The following WDR33 variants were observed in gnomAD, a reference collection of about 807,000 sequenced individuals.
WDR33 encodes the protein pre-mRNA 3' end processing protein WDR33.
In WDR33, 47 loss-of-function variants were observed where a neutral mutation model predicts 164.9. The ratio of observed to expected loss-of-function variants is 0.29; its 90% CI spans 0.23 to 0.36. WDR33 has a LOEUF of 0.36. WDR33 is among the 10% of genes least tolerant of loss of function. The pLI, the probability that WDR33 is intolerant of heterozygous loss-of-function variation, is 1.00. For missense variants in WDR33, 1,137 were observed against 1,754.1 expected (o/e 0.65, Z 6.28); for synonymous variants, 505 against 589.0 (o/e 0.86, Z 2.06).
At chr2:127,779,399 G>A (rs1263963713) in intron 1 of WDR33, among the ~76,000 whole-genome samples, 2 of 152,048 alleles carry the variant, frequency 1.3e-5, no homozygotes, top group Non-Finnish European at 2.9e-5. Flanking sequence ...CTCAGAGGCA[G>A]AGGTTGCAGG....
At chr2:127,772,895 G>C (rs934015219) in intron 1 of WDR33, among the ~76,000 whole-genome samples, 1 of 151,030 alleles carries the variant, frequency 6.6e-6, no homozygotes, top group Admixed American at 6.6e-5. Context: ...GGCCAAGCAG[G>C]AGGACTGCAC....
At chr2:127,805,487 A>T (rs1689402671) in intron 1 of WDR33, among the ~76,000 whole-genome samples, 1 of 152,148 alleles carries the variant, frequency 6.6e-6, no homozygotes, top group Non-Finnish European at 1.5e-5. Flanking sequence ...AACAACAGGA[A>T]TTGAGAAACA....
chr2:127,778,129 T>A (rs946020672), intron 1 of WDR33, among the ~76,000 whole-genome samples: 4 of 152,006 alleles, frequency 2.6e-5, no homozygotes, highest in African/African-American at 9.7e-5. Flanking sequence ...CCCCCATCTC[T>A]GCAAAAAAAT....
At chr2:127,765,381 C>A (rs988502027) in intron 4 of WDR33, 112 bp from the exon 5 acceptor site, 17 of 751,402 alleles carry the variant, frequency 2.3e-5, no homozygotes, top group Non-Finnish European at 3.7e-5. Context: ...ATGATACTGA[C>A]TTTCACTTAA....
intron 1 of WDR33, among the ~76,000 whole-genome samples, chr2:127,772,026 ACTGTGTTGC>A (rs1025428469): frequency 1.2e-4 from 18 of 152,128 alleles, no homozygotes; most frequent in African/African-American, 3.9e-4. Context: ...ATAATATCTA[ACTGTGTTGC>A]CCAGTCTGGT....
chr2:127,715,942 G>A (rs1290894929), intron 17 of WDR33, among the ~76,000 whole-genome samples: 1 of 152,172 alleles, frequency 6.6e-6, no homozygotes, highest in African/African-American at 2.4e-5. Context: ...AAGAAAGGGG[G>A]CGGGGGATAA....
At position 127,719,120 on chromosome 2, in the gene WDR33, G is replaced by T; in HGVS notation, c.2760+145C>A. On this transcript the variant is annotated intron_variant, in intron 16 of 21. Transcript: ENST00000322313. The surrounding 1 kb of genome is among the most constrained non-coding windows in gnomAD (Gnocchi z 6.5). ...ATCATTCTTATGATTTCATTCTTCAGCCAGGATGCTAGTATCTTAAGCTAC... is the reference window on the plus strand; with the variant it reads ...ATCATTCTTATGATTTCATTCTTCATCCAGGATGCTAGTATCTTAAGCTAC... The T allele has an allele frequency of 1.9e-6, 2 of 1,043,212 alleles. No homozygotes were observed. Among genetic ancestry groups the T allele is most frequent in the East Asian group, 2.9e-5 (1 of 34,554 alleles). The allele number at this position is 1,043,212 out of a possible 1,614,324, so 64.6% of individuals were successfully genotyped here.
intron 7 of WDR33, among the ~76,000 whole-genome samples, chr2:127,750,310 G>C (rs753336380): frequency 6.6e-6 from 1 of 151,992 alleles, no homozygotes; most frequent in African/African-American, 2.4e-5. Flanking sequence ...TTACTGGCAT[G>C]AGCCACCGCA....
intron 7 of WDR33, among the ~76,000 whole-genome samples, chr2:127,751,742 T>C (rs1368846380): frequency 6.6e-6 from 1 of 152,228 alleles, no homozygotes; most frequent in African/African-American, 2.4e-5. Context: ...AACTGAGTGC[T>C]GTACTATACG....
chr2:127,788,454 C>T (rs1362838756), intron 1 of WDR33, among the ~76,000 whole-genome samples: 7 of 120,232 alleles, frequency 5.8e-5, no homozygotes, highest in Admixed American at 7.7e-5. Context: ...CCGGACGGGG[C>T]GGCTGGCCGG....
In WDR33 at chr2:127,735,956, G is replaced by C. The variant is rs910955937; in HGVS notation, c.725-9179C>G. On this transcript the variant is annotated intron_variant, in intron 7 of 21. Coordinates refer to ENST00000322313, the MANE Select transcript of WDR33 (RefSeq NM_018383.5). The surrounding 1 kb of genome is among the most constrained non-coding windows in gnomAD (Gnocchi z 4.3). ...TAAATGGAAAGTTAATTCTGGAAAG[G>C]GGGTATGCCTAGGCAGGGCAGTGTT... is the stretch of plus-strand genomic sequence containing the variant. The C allele has an allele frequency of 1.0e-5, 10 of 985,286 alleles. No individual in the cohort carries two copies. The highest frequency in any genetic ancestry group is 1.7e-5 in the African/African-American group (1 of 57,206). 61.0% of individuals were successfully genotyped at this position (985,286 alleles called of 1,614,324 possible).
In WDR33 at chr2:127,702,152, C is replaced by T. The variant is rs943254605; in HGVS notation, c.*4171G>A. ...TGGGTCGCCTGGGCCGCGGCGCCGG[C>T]CTCGCCAAGGTGCTGCCCGTGTGAG... On this transcript the variant is annotated 3_prime_UTR_variant, in exon 22 of 22. Coordinates refer to ENST00000322313, the MANE Select transcript of WDR33 (RefSeq NM_018383.5). 9.9e-6 allele frequency: 12 copies of T among 1,215,306 alleles called. No homozygotes were observed. In the Admixed American group the frequency reaches 2.6e-4, roughly 26 times the overall value. The allele number at this position is 1,215,306 out of a possible 1,614,324, so 75.3% of individuals were successfully genotyped here.
intron 1 of WDR33, among the ~76,000 whole-genome samples, chr2:127,777,422 T>C (rs1688222171): frequency 6.6e-6 from 1 of 152,236 alleles, no homozygotes; most frequent in African/African-American, 2.4e-5. Context: ...TCCTTAGCCT[T>C]AGGCTTTCAA....
At chr2:127,797,354 T>C (rs2104670337) in intron 1 of WDR33, among the ~76,000 whole-genome samples, 1 of 152,024 alleles carries the variant, frequency 6.6e-6, no homozygotes, top group Middle Eastern at 3.4e-3. Context: ...TAGCTGGGCG[T>C]GGTGGCGCAC....
At position 127,723,167 on chromosome 2, in the gene WDR33, T is replaced by C; in HGVS notation, c.1291+86A>G. 6.9e-7 allele frequency: 1 copy of C among 1,453,372 alleles called. No homozygotes were observed. The highest frequency in any genetic ancestry group is 9.4e-7 in the Non-Finnish European group (1 of 1,064,716). The allele number at this position is 1,453,372 out of a possible 1,614,324, so 90.0% of individuals were successfully genotyped here. A position where few individuals can be genotyped will look rare whatever the true frequency, so the allele number is the denominator to read the frequency against. ...AAATAAATCTACTATAAAATTAAAA[T>C]TCATTTTGTATAATCTTCCCAACAT... On this transcript the variant is annotated intron_variant, in intron 12 of 21. Coordinates refer to ENST00000322313, the MANE Select transcript of WDR33 (RefSeq NM_018383.5). The surrounding 1 kb of genome is among the most constrained non-coding windows in gnomAD (Gnocchi z 5.9).
chr2:127,798,656 A>G (rs144114105), intron 1 of WDR33, among the ~76,000 whole-genome samples: 1 of 152,178 alleles, frequency 6.6e-6, no homozygotes, highest in African/African-American at 2.4e-5. Flanking sequence ...ACCTTATGAC[A>G]CATACCATCT....
At position 127,726,739 on chromosome 2, in the gene WDR33, T is replaced by C. The variant is rs1558926090; in HGVS notation, c.763A>G (p.Thr255Ala). The C allele has an allele frequency of 6.2e-7, 1 of 1,614,172 alleles. No homozygotes were observed. Among genetic ancestry groups the C allele is most frequent in the East Asian group, 2.2e-5 (1 of 44,878 alleles). ...CTTCCTGAAACAACTAACCCTTTGG[T>C]TGGATGCCAGTCTACACATTTCACA... ...ADVKCVDWHPTKGLVVSGSKD... is the reference protein window; with the variant it reads ...ADVKCVDWHPAKGLVVSGSKD... The change falls in exon 8 of 22, where the codon ACC becomes GCC. Residue 255 changes from threonine to alanine, a missense_variant. Thr to Ala is a moderately conservative substitution (Grantham distance 58). This residue lies in a region of WDR33 where 83 missense variants were observed against 189.2 expected (regional missense o/e 0.44). Transcript: ENST00000322313. The surrounding 1 kb of genome is among the most constrained non-coding windows in gnomAD (Gnocchi z 4.8).
chr2:127,762,699 T>C (rs1687713668), intron 7 of WDR33: 1 of 1,025,906 alleles, frequency 9.7e-7, no homozygotes, highest in Non-Finnish European at 1.2e-6. Context: ...GTAAAAGGAC[T>C]GCCAGGAGAA....
At position 127,724,832 on chromosome 2, in the gene WDR33, C is replaced by T. The variant is rs866542762; in HGVS notation, c.1085+55G>A. 1.9e-6 allele frequency: 3 copies of T among 1,564,380 alleles called. No homozygotes were observed. Among genetic ancestry groups the T allele is most frequent in the African/African-American group, 1.4e-5 (1 of 73,916 alleles). ...GCTACAAAACTATCATGTCTGCACA[C>T]ATTCACGTGCTCTCTTCACAAAATA... On this transcript the variant is annotated intron_variant, in intron 10 of 21. Coordinates refer to ENST00000322313, the MANE Select transcript of WDR33 (RefSeq NM_018383.5). This position sits in a 1 kb window ranked among gnomAD's most constrained non-coding sequence, Gnocchi z 4.8.
Sources: gnomAD v4.1 joint callset for allele counts (sites outside exome capture counted in the v4.1 genomes callset) on GRCh38, gnomAD v4.1.1 for gene constraint, gnomAD v4.1.1 regional missense constraint, Gnocchi (gnomAD v3.1) non-coding constraint, MANE v1.5 for transcripts, NCBI Gene and HGNC (gene_info 2026-07-23, HGNC 2026-07-21) for gene names.